FSTL5: variants seen among roughly 807,000 people sequenced by gnomAD.
The protein encoded by FSTL5 is follistatin-related protein 5.
Under a neutral mutation model 89.1 loss-of-function variants are expected in FSTL5, and 62 were observed. The observed-to-expected ratio is 0.70, with a 90% CI of 0.57 to 0.86. The LOEUF is 0.86. FSTL5 is among the 40% of genes least tolerant of loss of function. The pLI is 0.00. For missense variants in FSTL5, 1,057 were observed against 1,001.6 expected, an observed-to-expected ratio of 1.06 and a Z score of -0.75; for synonymous variants, 383 against 346.2, an observed-to-expected ratio of 1.11 and a Z score of -1.18.
chr4:161,720,572 A>G (rs1456199016), intron 6 of FSTL5, among the ~76,000 whole-genome samples: 3 of 152,214 alleles, frequency 2.0e-5, no homozygotes, highest in Admixed American at 6.5e-5. Flanking sequence ...TATGTTCATT[A>G]TGGTATTATT....
intron 15 of FSTL5, among the ~76,000 whole-genome samples, chr4:161,431,081 A>G (rs1732348893): frequency 6.6e-6 from 1 of 152,204 alleles, no homozygotes; most frequent in Non-Finnish European, 1.5e-5. Flanking sequence ...ATCTGAAATG[A>G]AAGGATGTTA....
chr4:161,860,254 C>T (rs536108118), intron 4 of FSTL5, among the ~76,000 whole-genome samples: 1 of 151,784 alleles, frequency 6.6e-6, no homozygotes, highest in African/African-American at 2.4e-5. Context: ...CGCCACTGCA[C>T]TCCAGCCTAG....
chr4:161,917,313 A>C (rs752237552), intron 4 of FSTL5, among the ~76,000 whole-genome samples: 14 of 152,236 alleles, frequency 9.2e-5, no homozygotes, highest in Non-Finnish European at 2.1e-4. Flanking sequence ...AACAGGACTT[A>C]CCTTGAAGTG....
intron 7 of FSTL5, among the ~76,000 whole-genome samples, chr4:161,603,576 C>G (rs1284244336): frequency 1.3e-5 from 2 of 152,114 alleles, no homozygotes; most frequent in Non-Finnish European, 2.9e-5. Flanking sequence ...AAATAAAGTT[C>G]TGTTATTAAA....
chr4:161,774,799 T>C (rs969200995), intron 5 of FSTL5, among the ~76,000 whole-genome samples: 4 of 152,108 alleles, frequency 2.6e-5, no homozygotes, highest in African/African-American at 9.7e-5. Context: ...AAAGTATAAA[T>C]TTTATTCTTA....
At chr4:161,415,348 C>T (rs183215195) in intron 15 of FSTL5, among the ~76,000 whole-genome samples, 40 of 152,142 alleles carry the variant, frequency 2.6e-4, no homozygotes, top group African/African-American at 8.9e-4. Flanking sequence ...CTCTGCCTCC[C>T]GGGTTCAAGT....
chr4:161,778,736 T>C (rs183393461), intron 4 of FSTL5, among the ~76,000 whole-genome samples: 1 of 152,204 alleles, frequency 6.6e-6, no homozygotes, highest in South Asian at 2.1e-4. Flanking sequence ...AGCAAGAAAC[T>C]CATTGACAAA....
At chr4:162,106,184 A>C (rs1731218696) in intron 2 of FSTL5, among the ~76,000 whole-genome samples, 1 of 152,234 alleles carries the variant, frequency 6.6e-6, no homozygotes, top group Non-Finnish European at 1.5e-5. Context: ...CTTTACAGAT[A>C]AACATTTTGA....
At chr4:161,562,218 C>T (rs1732630338) in intron 8 of FSTL5, among the ~76,000 whole-genome samples, 1 of 152,026 alleles carries the variant, frequency 6.6e-6, no homozygotes, top group African/African-American at 2.4e-5. Context: ...TATCACACCA[C>T]TATCATTACT....
chr4:161,418,814 C>G (rs1327628602), intron 15 of FSTL5, among the ~76,000 whole-genome samples: 1 of 152,070 alleles, frequency 6.6e-6, no homozygotes, highest in East Asian at 1.9e-4. Flanking sequence ...AGGACAAAAC[C>G]CATCCAAATG....
At chr4:161,793,081 G>A (rs562416586) in intron 4 of FSTL5, among the ~76,000 whole-genome samples, 17 of 152,320 alleles carry the variant, frequency 1.1e-4, no homozygotes, top group African/African-American at 3.8e-4. Flanking sequence ...TGCCCTCAGT[G>A]GAAGCTGTGT....
chr4:162,062,940 G>T (rs960639140), intron 2 of FSTL5, among the ~76,000 whole-genome samples: 4 of 151,408 alleles, frequency 2.6e-5, no homozygotes, highest in African/African-American at 9.7e-5. Context: ...AATATTCATG[G>T]TTTCTTGCCT....
intron 6 of FSTL5, among the ~76,000 whole-genome samples, chr4:161,687,728 C>T (rs558721612): frequency 6.6e-6 from 1 of 152,308 alleles, no homozygotes; most frequent in South Asian, 2.1e-4. Flanking sequence ...ACAGAGTGAT[C>T]TCTCAGTATT....
At chr4:161,741,534 C>T (rs1041795766) in intron 6 of FSTL5, among the ~76,000 whole-genome samples, 5 of 151,858 alleles carry the variant, frequency 3.3e-5, no homozygotes, top group African/African-American at 1.2e-4. Context: ...TTGCTTTAAG[C>T]CAAGGTAGAA....
At chr4:161,668,594 G>C (rs1579007521) in intron 6 of FSTL5, among the ~76,000 whole-genome samples, 1 of 152,130 alleles carries the variant, frequency 6.6e-6, no homozygotes, top group South Asian at 2.1e-4. Context: ...ATCTCTTCTA[G>C]GCATAGATGC....
intron 3 of FSTL5, among the ~76,000 whole-genome samples, chr4:161,975,065 A>G (rs1371527600): frequency 1.5e-5 from 2 of 137,156 alleles, no homozygotes; most frequent in Non-Finnish European, 3.1e-5. Context: ...ACCATCTCAC[A>G]CCAGTTAGAA....
intron 1 of FSTL5, among the ~76,000 whole-genome samples, chr4:162,145,640 A>T (rs1381891378): frequency 6.6e-6 from 1 of 152,142 alleles, no homozygotes; most frequent in Non-Finnish European, 1.5e-5. Context: ...ATCAGCTCTT[A>T]AATACTCCCA....
chr4:161,457,592 G>C (rs1162729358), intron 14 of FSTL5, among the ~76,000 whole-genome samples: 1 of 151,628 alleles, frequency 6.6e-6, no homozygotes, highest in Non-Finnish European at 1.5e-5. Context: ...GAGAGGAAGG[G>C]ATCAATTCTG....
intron 15 of FSTL5, among the ~76,000 whole-genome samples, chr4:161,454,557 G>A (rs1365070378): frequency 1.3e-5 from 2 of 152,120 alleles, no homozygotes; most frequent in African/African-American, 4.8e-5. Flanking sequence ...AAAAAATGAT[G>A]AGAGTGAACA....
Sources: gnomAD v4.1 joint callset for allele counts (sites outside exome capture counted in the v4.1 genomes callset) on GRCh38, gnomAD v4.1.1 for gene constraint, MANE v1.5 for transcripts, NCBI Gene and HGNC (gene_info 2026-07-23, HGNC 2026-07-21) for gene names.